SNX1: variants seen among roughly 807,000 people sequenced by gnomAD.
SNX1 encodes the protein sorting nexin-1.
SNX1 carries 36 observed loss-of-function variants against 71.8 expected under a neutral mutation model. The ratio of observed to expected loss-of-function variants is 0.50; its 90% CI spans 0.38 to 0.66. The LOEUF is 0.66. SNX1 is among the 30% of genes least tolerant of loss of function. The probability of loss-of-function intolerance (pLI) is 0.00; values close to 1 mark genes in which losing one functional copy is unlikely to be tolerated. For missense variants in SNX1, 612 were observed against 646.7 expected, an observed-to-expected ratio of 0.95 and a Z score of 0.58; for synonymous variants, 254 against 240.7, an observed-to-expected ratio of 1.06 and a Z score of -0.51.
At chr15:64,120,772 T>C (rs1424986806) in intron 4 of SNX1, among the ~76,000 whole-genome samples, 3 of 152,052 alleles carry the variant, frequency 2.0e-5, no homozygotes, top group Non-Finnish European at 4.4e-5. Flanking sequence ...GCCTGGAAGG[T>C]CAAGGCTGCA....
intron 3 of SNX1, 46 bp from the exon 4 acceptor site, chr15:64,118,742 T>C (rs1361689507): frequency 1.4e-6 from 2 of 1,388,582 alleles, no homozygotes; most frequent in Non-Finnish European, 2.0e-6. Flanking sequence ...AATTGATAGC[T>C]TTTTTTTTCA....
Position 64,136,402 on chromosome 15 carries a change from C to G in SNX1, c.1438C>G (p.Arg480Gly). ...ISTVVRKEVI[R>G]FEKEKSKDFK... ...AACAGTGGTCCGAAAAGAAGTGATA[C>G]GGTTTGAGGTGAGATAGAAAATCCT... Residue 480 changes from arginine to glycine, a missense_variant, in exon 13 of 15, where the codon CGG becomes GGG. Physicochemically the swap from Arg to Gly is moderately radical, Grantham distance 125. Transcript: ENST00000559844. The G allele has an allele frequency of 6.2e-7, 1 of 1,613,384 alleles. No individual in the cohort carries two copies. Among genetic ancestry groups the G allele is most frequent in the Non-Finnish European group, 8.5e-7 (1 of 1,179,366 alleles).
chr15:64,131,353 T>G (rs1442295605), intron 10 of SNX1, among the ~76,000 whole-genome samples: 13 of 152,140 alleles, frequency 8.5e-5, no homozygotes, highest in Admixed American at 8.5e-4. Context: ...CTCATGAGCT[T>G]CAACATAAAT....
Position 64,134,624 on chromosome 15 carries a change from G to C in SNX1, c.1222-40G>C. ...TCGAGGCAGAGCCAGCAGAGCTCTT[G>C]AAGAGCTGGTTGTGCTCCTCCTCAA... On this transcript the variant is annotated intron_variant, in intron 11 of 14. Coordinates refer to ENST00000559844, the MANE Select transcript of SNX1 (RefSeq NM_003099.5). The surrounding 1 kb of genome is among the most constrained non-coding windows in gnomAD (Gnocchi z 4.1). 1 of 1,584,144 alleles carries C rather than the reference G, an allele frequency of 6.3e-7. No homozygotes were observed. The highest frequency in any genetic ancestry group is 1.2e-5 in the South Asian group (1 of 86,290).
chr15:64,098,599 A>G (rs533331526), intron 1 of SNX1, among the ~76,000 whole-genome samples: 1 of 152,090 alleles, frequency 6.6e-6, no homozygotes, highest in East Asian at 1.9e-4. Flanking sequence ...CTGAGGCACA[A>G]GAATCACTTG....
Position 64,141,716 on chromosome 15 carries a change from A to G in SNX1, c.*4098A>G, listed in dbSNP as rs902647878. 3 of 152,362 alleles carry G rather than the reference A, an allele frequency of 2.0e-5. No homozygotes were observed. Among genetic ancestry groups the G allele is most frequent in the Non-Finnish European group, 4.4e-5 (3 of 68,172 alleles). 9.4% of individuals were successfully genotyped at this position (152,362 alleles called of 1,614,324 possible). A position where few individuals can be genotyped will look rare whatever the true frequency, so the allele number is the denominator to read the frequency against. ...TGATAGGACCTGGGAGGCGCTTTCCACATTACCATTGTCGCTTCGTGATCT... is the reference window on the plus strand; with the variant it reads ...TGATAGGACCTGGGAGGCGCTTTCCGCATTACCATTGTCGCTTCGTGATCT... On this transcript the variant is annotated 3_prime_UTR_variant, in exon 15 of 15. Transcript: ENST00000559844. This position sits in a 1 kb window ranked among gnomAD's most constrained non-coding sequence, Gnocchi z 5.1.
At chr15:64,104,417 C>T (rs981577180) in intron 1 of SNX1, among the ~76,000 whole-genome samples, 3 of 151,656 alleles carry the variant, frequency 2.0e-5, no homozygotes, top group South Asian at 2.1e-4. Flanking sequence ...GGACTACAGG[C>T]GCCCGCCACC....
chr15:64,112,453 T>G (rs1595984512), intron 1 of SNX1, 120 bp from the exon 2 acceptor site: 1 of 607,272 alleles, frequency 1.6e-6, no homozygotes, highest in Admixed American at 3.0e-5. Flanking sequence ...AATAACGATT[T>G]GCTGCTTATT....
intron 13 of SNX1, 96 bp from the exon 14 acceptor site, chr15:64,136,765 T>G: frequency 1.1e-6 from 1 of 879,710 alleles, no homozygotes; most frequent in Non-Finnish European, 1.8e-6. Context: ...CTCTACTTTC[T>G]GAGACTGTGT....
intron 3 of SNX1, 40 bp downstream of exon 3, chr15:64,118,284 TGAGGACTGTG>T: frequency 6.3e-7 from 1 of 1,590,616 alleles, no homozygotes; most frequent in Non-Finnish European, 8.5e-7. Flanking sequence ...TTTTAGATAT[TGAGGACTGTG>T]TACGGCCAGT....
chr15:64,134,789 C>T lies in SNX1; in HGVS notation c.1347C>T (p.Ala449=), dbSNP rs1188182389. 1.2e-6 allele frequency: 2 copies of T among 1,613,850 alleles called. No homozygotes were observed. Among genetic ancestry groups the T allele is most frequent in the African/African-American group, 2.7e-5 (2 of 74,942 alleles). Residue 449 remains alanine (A), a synonymous_variant, in exon 12 of 15, where the codon GCC becomes GCT. Coordinates refer to ENST00000559844, the MANE Select transcript of SNX1 (RefSeq NM_003099.5). This position sits in a 1 kb window ranked among gnomAD's most constrained non-coding sequence, Gnocchi z 4.1. ...WANKPDKLQQ[A]KDEILEWESR... ...ACAAGCCTGATAAGCTGCAGCAGGC[C>T]AAGGACGAGATCCTCGAGGTGAGTC...
chr15:64,135,130 T>G (rs2081345167), intron 12 of SNX1, among the ~76,000 whole-genome samples: 1 of 151,542 alleles, frequency 6.6e-6, no homozygotes, highest in Non-Finnish European at 1.5e-5. Context: ...TGTTTTTGTT[T>G]TTGTTTTAGA....
intron 1 of SNX1, among the ~76,000 whole-genome samples, chr15:64,108,154 C>T (rs2081041873): frequency 6.6e-6 from 1 of 151,032 alleles, no homozygotes; most frequent in Admixed American, 6.6e-5. Flanking sequence ...GATTGCGCCA[C>T]TGCACTCCAG....
chr15:64,120,317 G>T (rs2140146771), intron 4 of SNX1, among the ~76,000 whole-genome samples: 1 of 139,048 alleles, frequency 7.2e-6, no homozygotes, highest in East Asian at 2.1e-4. Flanking sequence ...TGTCACCCAG[G>T]CTGGAGTGCA....
chr15:64,099,884 G>A (rs1022001994), intron 1 of SNX1, among the ~76,000 whole-genome samples: 1 of 152,058 alleles, frequency 6.6e-6, no homozygotes, highest in African/African-American at 2.4e-5. Context: ...GCCAATTTTT[G>A]TATTTTTAGT....
chr15:64,118,364 T>C, intron 3 of SNX1, 120 bp downstream of exon 3: 1 of 1,117,608 alleles, frequency 8.9e-7, no homozygotes, highest in Non-Finnish European at 1.3e-6. Context: ...AGGAGATCTT[T>C]ATGGTTAATG....
intron 1 of SNX1, among the ~76,000 whole-genome samples, chr15:64,102,222 T>C (rs145839935): frequency 3.3e-5 from 5 of 152,334 alleles, no homozygotes; most frequent in Non-Finnish European, 5.9e-5. Flanking sequence ...GCTGCTTTAC[T>C]GGAGTGGACT....
chr15:64,130,046 C>G lies in SNX1; in HGVS notation c.921+17C>G. On this transcript the variant is annotated intron_variant, in intron 9 of 14. Coordinates refer to ENST00000559844, the MANE Select transcript of SNX1 (RefSeq NM_003099.5). ...TCAGACATTGTGAGTAGCCCTGTGC[C>G]TCTTACCTCCACCTACACCTCAGGC... The G allele has an allele frequency of 6.3e-7, 1 of 1,578,762 alleles. No individual in the cohort carries two copies. The highest frequency in any genetic ancestry group is 8.7e-7 in the Non-Finnish European group (1 of 1,147,660).
At chr15:64,105,887 G>T (rs1322913112) in intron 1 of SNX1, among the ~76,000 whole-genome samples, 1 of 152,074 alleles carries the variant, frequency 6.6e-6, no homozygotes, top group Non-Finnish European at 1.5e-5. Context: ...CTGTATCTCA[G>T]AAGTTCTTTA....
Sources: gnomAD v4.1 joint callset for allele counts (sites outside exome capture counted in the v4.1 genomes callset) on GRCh38, gnomAD v4.1.1 for gene constraint, Gnocchi (gnomAD v3.1) non-coding constraint, MANE v1.5 for transcripts, NCBI Gene and HGNC (gene_info 2026-07-23, HGNC 2026-07-21) for gene names.